MGAT4C: variants seen among roughly 807,000 people sequenced by gnomAD.
The protein encoded by MGAT4C is alpha-1,3-mannosyl-glycoprotein 4-beta-N-acetylglucosaminyltransferase C.
MGAT4C carries 19 observed loss-of-function variants against 40.1 expected under a neutral mutation model. That is an observed-to-expected ratio of 0.47 (90% CI 0.33 to 0.70). The LOEUF is 0.70. MGAT4C is among the 30% of genes least tolerant of loss of function. MGAT4C has a pLI of 0.02. For synonymous variants in MGAT4C, 181 were observed against 187.1 expected, an observed-to-expected ratio of 0.97 and a Z score of 0.27; for missense variants, 491 against 563.2, an observed-to-expected ratio of 0.87 and a Z score of 1.30.
chr12:86,238,519 G>C (rs1951647015), intron 1 of MGAT4C, among the ~76,000 whole-genome samples: 1 of 152,032 alleles, frequency 6.6e-6, no homozygotes, highest in African/African-American at 2.4e-5. Context: ...GCTGTTAGCT[G>C]AAGGGGAAGC....
chr12:86,779,777 G>C (rs1180016017), intron 1 of MGAT4C, among the ~76,000 whole-genome samples: 2 of 151,980 alleles, frequency 1.3e-5, no homozygotes, highest in Admixed American at 1.3e-4. Flanking sequence ...GCCGGGCGTG[G>C]TGGCGGGCGC....
chr12:86,124,530 GT>G (rs576311929), intron 1 of MGAT4C, among the ~76,000 whole-genome samples: 15 of 152,182 alleles, frequency 9.9e-5, no homozygotes, highest in Non-Finnish European at 2.2e-4. Context: ...TCCCATCCTG[GT>G]AAAGCTCACA....
chr12:86,044,415 T>C (rs1892187801), intron 2 of MGAT4C, among the ~76,000 whole-genome samples: 1 of 152,014 alleles, frequency 6.6e-6, no homozygotes, highest in Non-Finnish European at 1.5e-5. Context: ...GGGATGCTGG[T>C]GGGTTTGCGG....
intron 3 of MGAT4C, among the ~76,000 whole-genome samples, chr12:86,428,833 A>AT (rs1956979663): frequency 6.6e-6 from 1 of 151,546 alleles, no homozygotes; most frequent in Admixed American, 6.6e-5. Flanking sequence ...TTCATTTCTG[A>AT]TTTTATTTGA....
intron 1 of MGAT4C, among the ~76,000 whole-genome samples, chr12:86,128,556 A>C (rs769933900): frequency 1.2e-4 from 19 of 152,106 alleles, no homozygotes; most frequent in Non-Finnish European, 1.9e-4. Flanking sequence ...TTTTCTTCCC[A>C]GTCACGGGTA....
chr12:86,043,720 G>C (rs778392759), intron 2 of MGAT4C, among the ~76,000 whole-genome samples: 4 of 152,178 alleles, frequency 2.6e-5, no homozygotes, highest in Non-Finnish European at 4.4e-5. Context: ...TGGTTTTCAA[G>C]TTGTTTGCTT....
intron 1 of MGAT4C, among the ~76,000 whole-genome samples, chr12:86,777,582 T>C (rs981330741): frequency 2.6e-5 from 4 of 152,166 alleles, no homozygotes; most frequent in Admixed American, 2.6e-4. Context: ...ATGTACCAAG[T>C]AGTCTTTGGC....
At chr12:86,297,073 A>C (rs1953700358) in intron 4 of MGAT4C, among the ~76,000 whole-genome samples, 1 of 152,236 alleles carries the variant, frequency 6.6e-6, no homozygotes, top group African/African-American at 2.4e-5. Flanking sequence ...AAGTAAAGAA[A>C]ATTTAAATAT....
chr12:86,409,407 AAAAC>A (rs1956557940), intron 3 of MGAT4C, among the ~76,000 whole-genome samples: 1 of 152,192 alleles, frequency 6.6e-6, no homozygotes, highest in Non-Finnish European at 1.5e-5. Flanking sequence ...ACTAATATTA[AAAAC>A]AAACAATCAA....
At chr12:86,540,596 C>T (rs1371709218) in intron 2 of MGAT4C, among the ~76,000 whole-genome samples, 7 of 151,960 alleles carry the variant, frequency 4.6e-5, no homozygotes, top group Admixed American at 1.3e-4. Flanking sequence ...ATTAGCTGGG[C>T]GTGGTGGCAC....
chr12:86,467,927 G>T (rs1335813005), intron 2 of MGAT4C, among the ~76,000 whole-genome samples: 2 of 151,964 alleles, frequency 1.3e-5, no homozygotes, highest in African/African-American at 4.8e-5. Flanking sequence ...AAAATTAAGG[G>T]TTATTTAATT....
intron 2 of MGAT4C, chr12:86,495,388 A>T (rs548805234): frequency 6.6e-6 from 1 of 152,142 alleles, no homozygotes; most frequent in African/African-American, 2.4e-5. Flanking sequence ...AATTATACCT[A>T]TCAGAAATTG....
At chr12:85,997,706 G>T (rs1156674240) in intron 2 of MGAT4C, among the ~76,000 whole-genome samples, 1 of 152,218 alleles carries the variant, frequency 6.6e-6, no homozygotes, top group Non-Finnish European at 1.5e-5. Context: ...TCACATCCAG[G>T]TCATGCTGAT....
At chr12:86,657,933 T>C (rs867194038) in intron 2 of MGAT4C, among the ~76,000 whole-genome samples, 20 of 152,092 alleles carry the variant, frequency 1.3e-4, no homozygotes, top group African/African-American at 4.6e-4. Flanking sequence ...TTATAAATTA[T>C]TCAGTACTTT....
chr12:86,579,376 T>C (rs1294476635), intron 2 of MGAT4C, among the ~76,000 whole-genome samples: 1 of 151,620 alleles, frequency 6.6e-6, no homozygotes, highest in Non-Finnish European at 1.5e-5. Flanking sequence ...TTATAAGCCA[T>C]AATTTTAACC....
rs1963752211 is a variant in MGAT4C at position 86,653,444 on chromosome 12, A to G, written c.-229+73765T>C. Among the ~76,000 whole-genome samples the G allele has an allele frequency of 2.0e-5, 3 of 151,962 alleles. No individual in the cohort carries two copies. The South Asian group carries it at 6.2e-4, about 31-fold the overall frequency. ...GCTTTATTCTATGGAAATATCATGA[A>G]GGTGCATGCATGCCATCTGCTCATA... On this transcript the variant is annotated intron_variant, in intron 2 of 7. Transcript: ENST00000548651.
chr12:86,412,936 G>A (rs1009551119), intron 3 of MGAT4C, among the ~76,000 whole-genome samples: 1 of 152,118 alleles, frequency 6.6e-6, no homozygotes, highest in African/African-American at 2.4e-5. Flanking sequence ...CAAGTTATAA[G>A]AGTGAGTTAT....
chr12:86,169,364 G>T (rs1002773989), intron 1 of MGAT4C, among the ~76,000 whole-genome samples: 12 of 152,038 alleles, frequency 7.9e-5, no homozygotes, highest in African/African-American at 2.9e-4. Flanking sequence ...TAAGTCACTT[G>T]CATTTGTCTG....
At chr12:86,326,296 TCACACA>T (rs3047013) in intron 4 of MGAT4C, among the ~76,000 whole-genome samples, 12,348 of 140,754 alleles carry the variant, frequency 0.088, 1,263 homozygotes, top group African/African-American at 0.24. Context: ...AGTATTCTCA[TCACACA>T]CACACACACA....
Sources: allele counts gnomAD v4.1 joint callset (sites outside exome capture counted in the v4.1 genomes callset), GRCh38; gene constraint gnomAD v4.1.1; transcripts MANE v1.5; gene names NCBI Gene and HGNC (gene_info 2026-07-23, HGNC 2026-07-21).